Variants in ARHGAP29 observed in about 807,000 individuals in gnomAD.
The protein encoded by ARHGAP29 is rho GTPase-activating protein 29.
Under a neutral mutation model 122.6 loss-of-function variants are expected in ARHGAP29, and 43 were observed. The observed-to-expected ratio is 0.35, with a 90% CI of 0.27 to 0.45. ARHGAP29 has a LOEUF of 0.45. Among genes scored for constraint, ARHGAP29 ranks in the 20% least tolerant of loss-of-function variants. ARHGAP29 has a pLI of 1.00. For missense variants in ARHGAP29, 1,303 were observed against 1,477.2 expected (o/e 0.88, Z 1.93); for synonymous variants, 506 against 497.1 (o/e 1.02, Z -0.24).
intron 2 of ARHGAP29, 72 bp from the exon 3 acceptor site, chr1:94,220,464 G>A: frequency 7.5e-7 from 1 of 1,341,210 alleles, no homozygotes; most frequent in Non-Finnish European, 1.0e-6. Context: ...AACGTCATCT[G>A]AAGCACATTT....
Position 94,174,310 on chromosome 1 carries a change from C to T in ARHGAP29, c.3345G>A (p.Gly1115=), listed in dbSNP as rs74102117. 4.9e-4 allele frequency: 794 copies of T among 1,614,076 alleles called. 3 individuals carry two copies. The highest frequency in any genetic ancestry group is 4.8e-3 in the African/African-American group (358 of 75,006). Reference sequence around the variant, plus strand: ...GTTGAGTGGCATTGATAGAATGGTCCCCACTAATCTGGAGGCTTGTTGTCA... The same window carrying T: ...GTTGAGTGGCATTGATAGAATGGTCTCCACTAATCTGGAGGCTTGTTGTCA... ...KGVTTSLQIS[G]DHSINATQPS... The change falls in exon 23 of 23, where the codon GGG becomes GGA. Residue 1115 remains glycine (G), a synonymous_variant. Transcript: ENST00000260526.
intron 1 of ARHGAP29, among the ~76,000 whole-genome samples, chr1:94,254,260 A>G (rs1006896601): frequency 5.3e-5 from 8 of 152,184 alleles, no homozygotes; most frequent in Admixed American, 4.6e-4. Context: ...AGTTTAGGAT[A>G]CTCATGAATG....
chr1:94,182,297 T>A (rs980731815), intron 19 of ARHGAP29, among the ~76,000 whole-genome samples: 7 of 151,336 alleles, frequency 4.6e-5, no homozygotes, highest in African/African-American at 1.5e-4. Context: ...AAATGAATGA[T>A]AGAGAAAAGA....
intron 12 of ARHGAP29, among the ~76,000 whole-genome samples, chr1:94,197,684 G>A (rs1370485368): frequency 6.6e-6 from 1 of 152,090 alleles, no homozygotes; most frequent in African/African-American, 2.4e-5. Context: ...TTATTCCAGG[G>A]ATGCAAAGCT....
the ARHGAP29 span, among the ~76,000 whole-genome samples, chr1:94,285,557 T>G: frequency 6.6e-6 from 1 of 151,942 alleles, no homozygotes; most frequent in East Asian, 1.9e-4. Flanking sequence ...GATGAATGAG[T>G]GTTTGCACAT....
rs1431090961 is a variant in ARHGAP29, at chr1:94,205,632, T to C, written c.559+3A>G. 6.2e-7 allele frequency: 1 copy of C among 1,611,932 alleles called. No homozygotes were observed. Among genetic ancestry groups the C allele is most frequent in the Non-Finnish European group, 8.5e-7 (1 of 1,178,982 alleles). ...GAAAAGTTATAAACACCTTGAGCAT[T>C]ACCTTTTTCACTGGATGAGTCCACT... On this transcript the variant is annotated splice_donor_region_variant and intron_variant, in intron 6 of 22. Coordinates refer to ENST00000260526, the MANE Select transcript of ARHGAP29 (RefSeq NM_004815.4).
the ARHGAP29 span, among the ~76,000 whole-genome samples, chr1:94,297,521 T>G: frequency 6.6e-6 from 1 of 152,200 alleles, no homozygotes; most frequent in Non-Finnish European, 1.5e-5. Context: ...AGTCACTTAT[T>G]GCTGTTCTAC....
At chr1:94,311,705 T>C in the ARHGAP29 span, among the ~76,000 whole-genome samples, 1 of 152,210 alleles carries the variant, frequency 6.6e-6, no homozygotes, top group Non-Finnish European at 1.5e-5. Context: ...TCTTCTCTCT[T>C]CTCAAGCCCT....
chr1:94,313,225 C>T, the ARHGAP29 span, among the ~76,000 whole-genome samples: 13 of 152,082 alleles, frequency 8.5e-5, no homozygotes, highest in Admixed American at 5.9e-4. Context: ...ACTCTCTGCC[C>T]GAGATGCTCT....
At chr1:94,314,387 A>G in the ARHGAP29 span, among the ~76,000 whole-genome samples, 5 of 152,212 alleles carry the variant, frequency 3.3e-5, no homozygotes, top group Admixed American at 1.3e-4. Flanking sequence ...ATTGGGGTTA[A>G]CTGAACCCAA....
chr1:94,195,539 A>G (rs1409017675), intron 12 of ARHGAP29: 1 of 152,226 alleles, frequency 6.6e-6, no homozygotes, highest in Non-Finnish European at 1.5e-5. Context: ...ATTAAAATAT[A>G]TGTCTAGAAA....
intron 1 of ARHGAP29, among the ~76,000 whole-genome samples, chr1:94,262,597 G>A (rs1313941872): frequency 6.6e-6 from 1 of 152,042 alleles, no homozygotes; most frequent in African/African-American, 2.4e-5. Context: ...CAAAGAACAT[G>A]AGCAGACATT....
chr1:94,177,448 A>C (rs531880610), intron 22 of ARHGAP29, 164 bp downstream of exon 22: 82 of 487,724 alleles, frequency 1.7e-4, no homozygotes, highest in Non-Finnish European at 2.6e-4. Flanking sequence ...TTTAAATGCA[A>C]GATACACTAA....
At chr1:94,184,350 A>G (rs1330089524) in intron 18 of ARHGAP29, 62 bp from the exon 19 acceptor site, 2 of 1,164,014 alleles carry the variant, frequency 1.7e-6, no homozygotes, top group African/African-American at 1.6e-5. Flanking sequence ...CTAAATGCAG[A>G]TATCTACATA....
At chr1:94,174,896 T>A in intron 22 of ARHGAP29, 147 bp from the exon 23 acceptor site, 1 of 912,704 alleles carries the variant, frequency 1.1e-6, no homozygotes, top group Non-Finnish European at 1.6e-6. Flanking sequence ...GTGGAGGAGT[T>A]AAACATTTGC....
the ARHGAP29 span, among the ~76,000 whole-genome samples, chr1:94,305,265 T>A: frequency 2.0e-5 from 3 of 152,340 alleles, no homozygotes; most frequent in East Asian, 5.8e-4. Flanking sequence ...AATGGCAGCA[T>A]CAGCCAATAT....
intron 1 of ARHGAP29, among the ~76,000 whole-genome samples, chr1:94,254,914 A>T: frequency 6.6e-6 from 1 of 152,192 alleles, no homozygotes. Context: ...TGCTATAAAA[A>T]CTGAAGGTGG....
intron 16 of ARHGAP29, among the ~76,000 whole-genome samples, chr1:94,186,073 C>A (rs893053289): frequency 2.0e-5 from 3 of 152,096 alleles, no homozygotes; most frequent in Non-Finnish European, 4.4e-5. Flanking sequence ...ACTGATTTAA[C>A]TTTATCCTTC....
At chr1:94,231,725 C>G in intron 1 of ARHGAP29, 82 bp from the exon 2 acceptor site, 1 of 1,061,616 alleles carries the variant, frequency 9.4e-7, no homozygotes, top group Non-Finnish European at 1.4e-6. Flanking sequence ...GGAAATATTA[C>G]ACTAGATTTT....
Sources: allele counts gnomAD v4.1 joint callset (sites outside exome capture counted in the v4.1 genomes callset), GRCh38; gene constraint gnomAD v4.1.1; transcripts MANE v1.5; gene names NCBI Gene and HGNC (gene_info 2026-07-23, HGNC 2026-07-21).